Variants in LACTBL1 observed in about 807,000 individuals in gnomAD.
The protein encoded by LACTBL1 is beta-lactamase-like protein 1.
Under a neutral mutation model 39.6 loss-of-function variants are expected in LACTBL1, and 29 were observed. That is an observed-to-expected ratio of 0.73 (90% CI 0.55 to 1.00). LACTBL1 has a LOEUF of 1.00. Ranked by LOEUF, LACTBL1 falls within the 50% of genes least tolerant of loss-of-function variation. LACTBL1 has a pLI of 0.00. For missense variants in LACTBL1, 711 were observed against 748.5 expected (o/e 0.95, Z 0.59); for synonymous variants, 361 against 360.7 (o/e 1.00, Z -0.01).
chr1:22,959,858 C>T, intron 3 of LACTBL1, 84 bp downstream of exon 5: 1 of 1,459,648 alleles, frequency 6.9e-7, no homozygotes, highest in Non-Finnish European at 9.3e-7. Context: ...AGCCATGATT[C>T]TCTTCAGTAT....
chr1:22,967,670 G>C (rs1640897298), upstream of LACTBL1, among the ~76,000 whole-genome samples: 1 of 152,012 alleles, frequency 6.6e-6, no homozygotes, highest in Admixed American at 6.6e-5. Flanking sequence ...GAGACAGACA[G>C]ACAGACTTAT....
exon 5 of LACTBL1, chr1:22,955,418 T>G (rs563896803): frequency 2.6e-5 from 40 of 1,549,358 alleles, no homozygotes; most frequent in Non-Finnish European, 3.4e-5. Flanking sequence ...CGCAGCCTTC[T>G]GGGCAGCCCT....
upstream of LACTBL1, among the ~76,000 whole-genome samples, chr1:22,966,864 A>C (rs992190671): frequency 6.6e-6 from 1 of 151,688 alleles, no homozygotes; most frequent in Non-Finnish European, 1.5e-5. Context: ...GGGCCCCTCT[A>C]TCTCCTTCAA....
At chr1:22,961,983 T>G (rs1162534564) in intron 2 of LACTBL1, among the ~76,000 whole-genome samples, 1 of 151,884 alleles carries the variant, frequency 6.6e-6, no homozygotes, top group African/African-American at 2.4e-5. Flanking sequence ...CCTGACCTCA[T>G]GATCCACCCA....
chr1:22,953,327 G>A, exon 6 of LACTBL1: 2 of 1,225,522 alleles, frequency 1.6e-6, no homozygotes, highest in South Asian at 4.1e-5. Context: ...AACTGGCGCA[G>A]GCGCAGCTCG....
rs1031902750 is a variant in LACTBL1 at position 22,954,073 on chromosome 1, C to G, written c.660-49G>C. The stretch of plus-strand genomic sequence containing the variant: ...GGGACGGGGCCCTTCCTCACCCGCC[C>G]GCGCTGTCTGAAATGCCACCAGTTT... On this transcript the variant is annotated intron_variant, in intron 5 of 5. Transcript: ENST00000426928. 5 of 1,466,392 alleles carry G rather than the reference C, an allele frequency of 3.4e-6. No homozygotes were observed. In the African/African-American group the frequency reaches 4.2e-5, roughly 12 times the overall value. 90.8% of individuals were successfully genotyped at this position (1,466,392 alleles called of 1,614,324 possible).
chr1:22,955,350 G>A lies in LACTBL1; in HGVS notation c.630C>T (p.Asp210=), dbSNP rs762555965. 1.7e-5 allele frequency: 26 copies of A among 1,550,406 alleles called. No individual in the cohort carries two copies. In the Admixed American group the frequency reaches 1.8e-4, roughly 11 times the overall value. The stretch of plus-strand genomic sequence containing the variant: ...TTCCCGGGTCCACTACCAGCACATC[G>A]TCCTTGAGCAGGTTCAGGGCCTCCT... The change falls in exon 5 of 6, where the codon GAC becomes GAT. Residue 210 remains aspartate (D), a synonymous_variant. Coordinates refer to ENST00000426928, the Ensembl canonical transcript of LACTBL1.
At chr1:22,970,742 A>G in the LACTBL1 span, among the ~76,000 whole-genome samples, 1 of 148,202 alleles carries the variant, frequency 6.7e-6, no homozygotes, top group South Asian at 2.3e-4. Flanking sequence ...CCCAGGAATT[A>G]GAGGCCGTAG....
intron 1 of LACTBL1, among the ~76,000 whole-genome samples, chr1:22,964,454 C>A (rs756215948): frequency 6.6e-6 from 1 of 152,206 alleles, no homozygotes; most frequent in African/African-American, 2.4e-5. Flanking sequence ...CCCCTCAACC[C>A]GACCCCCAAG....
the LACTBL1 span, among the ~76,000 whole-genome samples, chr1:22,971,258 C>G: frequency 2.0e-5 from 3 of 152,166 alleles, no homozygotes; most frequent in Non-Finnish European, 2.9e-5. Context: ...CTCTACACCC[C>G]CAATTTGTAG....
chr1:22,969,581 G>A (rs750448420), upstream of LACTBL1, among the ~76,000 whole-genome samples: 2 of 152,242 alleles, frequency 1.3e-5, no homozygotes, highest in South Asian at 2.1e-4. Context: ...CGACTCCAGC[G>A]AACTCCGCCA....
chr1:22,953,217 G>C, exon 6 of LACTBL1: 1 of 1,232,132 alleles, frequency 8.1e-7, no homozygotes, highest in Non-Finnish European at 1.0e-6. Context: ...GTGCGCAGGG[G>C]AACTCGTGGG....
In LACTBL1 at chr1:22,954,040, T is replaced by C. The variant is rs1640738868; in HGVS notation, c.660-16A>G. 4.6e-6 allele frequency: 7 copies of C among 1,511,536 alleles called. No homozygotes were observed. Among genetic ancestry groups the C allele is most frequent in the Non-Finnish European group, 6.2e-6 (7 of 1,124,298 alleles). 93.6% of individuals were successfully genotyped at this position (1,511,536 alleles called of 1,614,324 possible). A position where few individuals can be genotyped will look rare whatever the true frequency, so the allele number is the denominator to read the frequency against. ...GTAATGGCATCTGGAAGGAGAGCAG[T>C]GGCAAGTGGGACGGGGCCCTTCCTC... On this transcript the variant is annotated splice_polypyrimidine_tract_variant and intron_variant, in intron 5 of 5. Transcript: ENST00000426928.
chr1:22,959,434 T>A (rs543682524), intron 3 of LACTBL1, among the ~76,000 whole-genome samples: 37 of 152,356 alleles, frequency 2.4e-4, no homozygotes, highest in Admixed American at 2.3e-3. Context: ...CCCTCAGGAC[T>A]CCTGTAAAAC....
At position 22,958,745 on chromosome 1, in the gene LACTBL1, C is replaced by T. The variant is rs374793392; in HGVS notation, c.493G>A (p.Val165Met). The change falls in exon 4 of 6, where the codon GTG (valine) becomes ATG (methionine). Residue 165 changes from valine (V) to methionine (M), a missense_variant. Transcript: ENST00000426928. ...GGTGAAGGCCTTGGGGCGGGGCCCA[C>T]CTGCTCCAGCCCGTCCATCAGGCCC... The T allele has an allele frequency of 3.1e-5, 48 of 1,550,624 alleles. No homozygotes were observed. The East Asian group carries it at 1.0e-3, about 32-fold the overall frequency.
exon 6 of LACTBL1, chr1:22,953,356 A>ACCT (rs1640724866): frequency 2.4e-6 from 3 of 1,228,458 alleles, no homozygotes; most frequent in Admixed American, 4.2e-5. Flanking sequence ...CCCGGCGCGC[A>ACCT]CCTCGTAGAA....
chr1:22,967,567 T>C (rs557408982), upstream of LACTBL1, among the ~76,000 whole-genome samples: 222 of 148,520 alleles, frequency 1.5e-3, no homozygotes, highest in African/African-American at 2.0e-3. Context: ...TCCATATATA[T>C]ACACACACAC....
the LACTBL1 span, among the ~76,000 whole-genome samples, chr1:22,970,351 T>A: frequency 6.6e-6 from 1 of 152,174 alleles, no homozygotes; most frequent in Non-Finnish European, 1.5e-5. Flanking sequence ...TAAGCCAGAC[T>A]AAATGGTTAC....
In LACTBL1 at chr1:22,959,977, C is replaced by T. The variant is rs778656162; in HGVS notation, c.282G>A (p.Pro94=). ...TGTACTCATTGGGGGCCCCAGAAGC[C>T]GGGTCTGAGCCATTCTTCTTCCCAA... The change falls in exon 3 of 6, where the codon CCG becomes CCA. Residue 94 remains proline, a synonymous_variant. Coordinates refer to ENST00000426928, the Ensembl canonical transcript of LACTBL1. 19 of 1,551,042 alleles carry T rather than the reference C, an allele frequency of 1.2e-5. No individual in the cohort carries two copies. The Admixed American group carries it at 2.7e-4, about 22-fold the overall frequency.
Sources: allele counts gnomAD v4.1 joint callset (sites outside exome capture counted in the v4.1 genomes callset), GRCh38; gene constraint gnomAD v4.1.1; transcripts MANE v1.5; gene names NCBI Gene and HGNC (gene_info 2026-07-23, HGNC 2026-07-21).